FGF14: variants seen among roughly 807,000 people sequenced by gnomAD.
FGF14 encodes fibroblast growth factor homologous factor 4.
FGF14 carries 5 observed loss-of-function variants against 25.5 expected under a neutral mutation model. The observed-to-expected ratio is 0.20, with a 90% confidence interval of 0.10 to 0.41. The LOEUF (loss-of-function observed/expected upper bound fraction) is 0.41, where lower values mean the gene tolerates loss of function less well. Among genes scored for constraint, FGF14 ranks in the 10% least tolerant of loss-of-function variants. The pLI, the probability that FGF14 is intolerant of heterozygous loss-of-function variation, is 1.00. For synonymous variants in FGF14, 138 were observed against 118.3 expected (o/e 1.17, Z -1.08); for missense variants, 222 against 320.1 (o/e 0.69, Z 2.34).
intron 1 of FGF14, among the ~76,000 whole-genome samples, chr13:102,375,344 T>C (rs2058014253): frequency 6.6e-6 from 1 of 152,294 alleles, no homozygotes; most frequent in South Asian, 2.1e-4. Context: ...TCTAGCACAG[T>C]GTACAAGACA....
chr13:102,031,249 G>T (rs2041192778), intron 1 of FGF14, among the ~76,000 whole-genome samples: 2 of 152,036 alleles, frequency 1.3e-5, no homozygotes, highest in African/African-American at 4.8e-5. Context: ...TCCAAGCACA[G>T]ACTATTTTTG....
chr13:101,851,626 T>C (rs1397092467), intron 3 of FGF14, among the ~76,000 whole-genome samples: 1 of 152,118 alleles, frequency 6.6e-6, no homozygotes, highest in African/African-American at 2.4e-5. Context: ...CTTCAACCTA[T>C]GCCTCTGGCT....
intron 3 of FGF14, among the ~76,000 whole-genome samples, chr13:101,753,536 G>A (rs2037439227): frequency 6.6e-6 from 1 of 152,120 alleles, no homozygotes; most frequent in Non-Finnish European, 1.5e-5. Context: ...CAGGCGCGAT[G>A]GCTCACGCCT....
At chr13:101,956,848 A>C (rs1050664356) in intron 1 of FGF14, among the ~76,000 whole-genome samples, 2 of 151,226 alleles carry the variant, frequency 1.3e-5, no homozygotes, top group East Asian at 3.9e-4. Flanking sequence ...AGATGCTCCC[A>C]GGAAAGAAGA....
chr13:101,838,563 C>T (rs2043040813), intron 3 of FGF14, among the ~76,000 whole-genome samples: 1 of 152,020 alleles, frequency 6.6e-6, no homozygotes, highest in Non-Finnish European at 1.5e-5. Flanking sequence ...ATCACATAAC[C>T]TTCATAAGAA....
chr13:102,386,283 C>G (rs1002011417), intron 1 of FGF14, among the ~76,000 whole-genome samples: 1 of 151,878 alleles, frequency 6.6e-6, no homozygotes, highest in Non-Finnish European at 1.5e-5. Flanking sequence ...TAGGCATGTG[C>G]CACCAAGCCA....
chr13:102,021,172 G>A (rs1026783035), intron 1 of FGF14, among the ~76,000 whole-genome samples: 1 of 152,010 alleles, frequency 6.6e-6, no homozygotes, highest in African/African-American at 2.4e-5. Context: ...TACAGAGGAA[G>A]GAGATTTAGA....
At chr13:102,331,092 T>C (rs1025516310) in intron 1 of FGF14, among the ~76,000 whole-genome samples, 5 of 152,160 alleles carry the variant, frequency 3.3e-5, no homozygotes. Flanking sequence ...CACTGTAAAA[T>C]GTGGATAATA....
intron 1 of FGF14, among the ~76,000 whole-genome samples, chr13:102,242,422 A>G (rs1259744088): frequency 6.6e-6 from 1 of 152,084 alleles, no homozygotes; most frequent in Middle Eastern, 3.2e-3. Context: ...GGAGGCTGGC[A>G]AGTCCAAGAT....
intron 3 of FGF14, among the ~76,000 whole-genome samples, chr13:101,857,412 CTTTA>C (rs955824087): frequency 6.6e-6 from 1 of 151,974 alleles, no homozygotes; most frequent in African/African-American, 2.4e-5. Flanking sequence ...ACTCATCTCT[CTTTA>C]TTTAATATAG....
At chr13:102,008,833 C>T (rs1186184621) in intron 1 of FGF14, among the ~76,000 whole-genome samples, 1 of 152,088 alleles carries the variant, frequency 6.6e-6, no homozygotes, top group African/African-American at 2.4e-5. Context: ...AATCACAACA[C>T]AATTTAATTT....
At chr13:101,726,489 G>T in intron 4 of FGF14, 123 bp downstream of exon 4, 1 of 936,442 alleles carries the variant, frequency 1.1e-6, no homozygotes, top group Non-Finnish European at 1.7e-6. Context: ...CCATCACCTA[G>T]ATCAAAATAA....
intron 1 of FGF14, among the ~76,000 whole-genome samples, chr13:102,157,195 T>G (rs564957150): frequency 9.9e-5 from 15 of 152,138 alleles, no homozygotes; most frequent in South Asian, 4.2e-4. Flanking sequence ...AGCCCACATT[T>G]CCAAGTCAAT....
At chr13:102,276,353 GTATA>G (rs10574334) in intron 1 of FGF14, among the ~76,000 whole-genome samples, 34,318 of 102,938 alleles carry the variant, frequency 0.33, 6,067 homozygotes, top group East Asian at 0.54. Context: ...GTGTGTGTGT[GTATA>G]TATATATATA....
intron 1 of FGF14, among the ~76,000 whole-genome samples, chr13:102,154,819 G>C (rs555873382): frequency 1.3e-5 from 2 of 151,394 alleles, no homozygotes; most frequent in Non-Finnish European, 2.9e-5. Flanking sequence ...GATGGAGAAA[G>C]ATCTACCAAG....
intron 1 of FGF14, among the ~76,000 whole-genome samples, chr13:102,236,028 C>G (rs544371615): frequency 6.6e-6 from 1 of 152,178 alleles, no homozygotes; most frequent in Non-Finnish European, 1.5e-5. Context: ...AATAGTTACA[C>G]AAAGCTTGGC....
At chr13:101,858,802 T>A (rs2044258363) in intron 3 of FGF14, among the ~76,000 whole-genome samples, 1 of 152,122 alleles carries the variant, frequency 6.6e-6, no homozygotes, top group African/African-American at 2.4e-5. Context: ...CATGTAGAAA[T>A]AACAAAGCTC....
chr13:101,798,994 A>T (rs2040716885), intron 3 of FGF14, among the ~76,000 whole-genome samples: 1 of 152,152 alleles, frequency 6.6e-6, no homozygotes, highest in African/African-American at 2.4e-5. Flanking sequence ...TTAGAGCATT[A>T]ATCATTTCTC....
At chr13:102,226,269 A>G (rs771443376) in intron 1 of FGF14, among the ~76,000 whole-genome samples, 2 of 152,150 alleles carry the variant, frequency 1.3e-5, no homozygotes, top group Non-Finnish European at 2.9e-5. Context: ...TCCATGCCTC[A>G]GTTTCCTCCA....
Sources: gnomAD v4.1 joint callset for allele counts (sites outside exome capture counted in the v4.1 genomes callset) on GRCh38, gnomAD v4.1.1 for gene constraint, MANE v1.5 for transcripts, NCBI Gene and HGNC (gene_info 2026-07-23, HGNC 2026-07-21) for gene names.